The following NAA11 variants were observed in gnomAD, a reference collection of about 807,000 sequenced individuals.
NAA11 encodes the protein N-alpha-acetyltransferase 11, NatA catalytic subunit, also known as N-alpha-acetyltransferase 11.
In NAA11, 15 loss-of-function variants were observed where a neutral mutation model predicts 16.1. That is an observed-to-expected ratio of 0.93 (90% CI 0.62 to 1.44). The LOEUF (loss-of-function observed/expected upper bound fraction) is 1.44. Among genes scored for constraint, NAA11 ranks in the 40% most tolerant of loss-of-function variants. The pLI, the probability that NAA11 is intolerant of heterozygous loss-of-function variation, is 0.00. For missense variants in NAA11, 298 were observed against 291.3 expected, an observed-to-expected ratio of 1.02 and a Z score of -0.17; for synonymous variants, 122 against 112.4, an observed-to-expected ratio of 1.09 and a Z score of -0.54.
chr4:79,161,576 T>C, the NAA11 span, among the ~76,000 whole-genome samples: 7 of 152,316 alleles, frequency 4.6e-5, no homozygotes, highest in Non-Finnish European at 8.8e-5. Context: ...GAGATATTAA[T>C]TGGGATTGCA....
At chr4:79,266,227 A>G (rs1040040305) in intron 2 of NAA11, among the ~76,000 whole-genome samples, 1 of 152,192 alleles carries the variant, frequency 6.6e-6, no homozygotes, top group Non-Finnish European at 1.5e-5. Flanking sequence ...ATCCATTATG[A>G]TCGGCACTCG....
At chr4:79,193,264 A>T in the NAA11 span, among the ~76,000 whole-genome samples, 1 of 152,080 alleles carries the variant, frequency 6.6e-6, no homozygotes. Context: ...TTTTGTTGCC[A>T]TTGCTTTTGG....
rs561650280 is a variant in NAA11 at position 79,264,364 on chromosome 4, G to A, written c.*122+29641C>T. Among the ~76,000 whole-genome samples the A allele has an allele frequency of 2.6e-5, 4 of 152,078 alleles. No homozygotes were observed. The South Asian group carries it at 6.2e-4, about 24-fold the overall frequency. On this transcript the variant is annotated intron_variant and NMD_transcript_variant, in intron 2 of 2. Coordinates refer to the NAA11 transcript ENST00000511542. ...TTTTTTAAAAATTTGTATCATTACC[G>A]TCACTACAAAAATAGGCTGTAAATC...
chr4:79,289,194 T>G (rs992336434), intron 2 of NAA11, among the ~76,000 whole-genome samples: 17 of 152,228 alleles, frequency 1.1e-4, no homozygotes, highest in African/African-American at 4.1e-4. Flanking sequence ...CTCAGTTTAT[T>G]CCCAACACAA....
At chr4:79,214,330 G>A in the NAA11 span, among the ~76,000 whole-genome samples, 3 of 152,168 alleles carry the variant, frequency 2.0e-5, no homozygotes, top group South Asian at 2.1e-4. Context: ...TGATATATAT[G>A]TATGCTATTG....
chr4:79,202,258 A>C, the NAA11 span, among the ~76,000 whole-genome samples: 1 of 151,550 alleles, frequency 6.6e-6, no homozygotes, highest in African/African-American at 2.4e-5. Flanking sequence ...ATGTAATACT[A>C]TCCAGCCATA....
At chr4:79,195,438 C>A in the NAA11 span, among the ~76,000 whole-genome samples, 1 of 151,704 alleles carries the variant, frequency 6.6e-6, no homozygotes, top group Non-Finnish European at 1.5e-5. Context: ...ATTTGAAGAC[C>A]ACTGGTGAGC....
At chr4:79,273,133 G>A (rs1722539518) in intron 2 of NAA11, among the ~76,000 whole-genome samples, 1 of 151,882 alleles carries the variant, frequency 6.6e-6, no homozygotes, top group Non-Finnish European at 1.5e-5. Flanking sequence ...CAAGCAATGA[G>A]AGGTCAGCCG....
At chr4:79,262,011 G>A (rs1390683855) in intron 2 of NAA11, among the ~76,000 whole-genome samples, 1 of 152,070 alleles carries the variant, frequency 6.6e-6, no homozygotes, top group African/African-American at 2.4e-5. Context: ...AAACATTAGA[G>A]AGAACTGGAT....
chr4:79,179,196 TTTTTG>T, the NAA11 span, among the ~76,000 whole-genome samples: 882 of 152,292 alleles, frequency 5.8e-3, 6 homozygotes, highest in African/African-American at 0.02. Context: ...ATATTCTTGT[TTTTTG>T]TTTTGTTTTG....
At chr4:79,224,311 C>T (rs547569947), downstream of NAA11, among the ~76,000 whole-genome samples, 2 of 152,230 alleles carry the variant, frequency 1.3e-5, no homozygotes, top group South Asian at 4.2e-4. Context: ...CACTACCAAT[C>T]TCAAAAATCT....
the NAA11 span, among the ~76,000 whole-genome samples, chr4:79,196,113 C>T: frequency 6.6e-6 from 1 of 152,002 alleles, no homozygotes; most frequent in East Asian, 1.9e-4. Context: ...AGTCTCTACT[C>T]CTGCCTCTTT....
the NAA11 span, among the ~76,000 whole-genome samples, chr4:79,216,741 G>C: frequency 1.3e-5 from 2 of 152,124 alleles, no homozygotes; most frequent in Admixed American, 6.6e-5. Context: ...ACCACCTCTT[G>C]TGTTTCTTAC....
At chr4:79,201,579 C>T in the NAA11 span, among the ~76,000 whole-genome samples, 1 of 151,538 alleles carries the variant, frequency 6.6e-6, no homozygotes, top group African/African-American at 2.4e-5. Context: ...AACCCTTTGC[C>T]TGTCATATGT....
chr4:79,187,747 A>G, the NAA11 span, among the ~76,000 whole-genome samples: 1 of 152,180 alleles, frequency 6.6e-6, no homozygotes, highest in Admixed American at 6.5e-5. Flanking sequence ...CTGTAATCCC[A>G]GCACTTTGGG....
the NAA11 span, among the ~76,000 whole-genome samples, chr4:79,172,547 A>G: frequency 6.6e-6 from 1 of 152,118 alleles, no homozygotes; most frequent in African/African-American, 2.4e-5. Context: ...ATTTAAACAT[A>G]TGATGAAAGT....
chr4:79,207,909 A>G, the NAA11 span, among the ~76,000 whole-genome samples: 1 of 152,136 alleles, frequency 6.6e-6, no homozygotes, highest in Admixed American at 6.6e-5. Context: ...TATATTATGT[A>G]TTTTATATGC....
chr4:79,264,029 G>C (rs1174622466), intron 2 of NAA11, among the ~76,000 whole-genome samples: 2 of 152,146 alleles, frequency 1.3e-5, no homozygotes, highest in Non-Finnish European at 2.9e-5. Context: ...TTATAGGCAT[G>C]AGCCACTGTG....
chr4:79,210,350 T>C, the NAA11 span, among the ~76,000 whole-genome samples: 1 of 152,134 alleles, frequency 6.6e-6, no homozygotes, highest in Non-Finnish European at 1.5e-5. Context: ...TAGAGCATGT[T>C]ACAAGGGTAG....
Sources: gnomAD v4.1 joint callset for allele counts (sites outside exome capture counted in the v4.1 genomes callset) on GRCh38, gnomAD v4.1.1 for gene constraint, MANE v1.5 for transcripts, NCBI Gene and HGNC (gene_info 2026-07-23, HGNC 2026-07-21) for gene names.